EIF2AK4: variants seen among roughly 807,000 people sequenced by gnomAD.
EIF2AK4 encodes the protein eukaryotic translation initiation factor 2 alpha kinase 4.
In EIF2AK4, 139 loss-of-function variants were observed where a neutral mutation model predicts 211.1. The ratio of observed to expected loss-of-function variants is 0.66; its 90% CI spans 0.57 to 0.76. EIF2AK4 has a LOEUF of 0.76. Ranked by LOEUF, EIF2AK4 falls within the 30% of genes least tolerant of loss-of-function variation. EIF2AK4 has a pLI of 0.00. For missense variants in EIF2AK4, 1,664 were observed against 2,043.8 expected, an observed-to-expected ratio of 0.81 and a Z score of 3.58; for synonymous variants, 710 against 751.3, an observed-to-expected ratio of 0.94 and a Z score of 0.90.
intron 15 of EIF2AK4, among the ~76,000 whole-genome samples, chr15:39,989,508 C>T (rs1474377758): frequency 6.6e-6 from 1 of 152,208 alleles, no homozygotes; most frequent in African/African-American, 2.4e-5. Flanking sequence ...ACAATGCCCC[C>T]TGTGCTCTAT....
intron 18 of EIF2AK4, among the ~76,000 whole-genome samples, chr15:39,993,966 A>G (rs536479964): frequency 1.3e-5 from 2 of 152,328 alleles, no homozygotes; most frequent in African/African-American, 4.8e-5. Context: ...GATTTTCCCA[A>G]CGGAAGGAAT....
chr15:39,962,244 A>G (rs1031985373), intron 7 of EIF2AK4, among the ~76,000 whole-genome samples: 1 of 152,234 alleles, frequency 6.6e-6, no homozygotes, highest in African/African-American at 2.4e-5. Context: ...GAGTGACAGA[A>G]TGAGACCCTG....
At position 40,022,860 on chromosome 15, in the gene EIF2AK4, G is replaced by A. The variant is rs528244783; in HGVS notation, c.4389+255G>A. 1.4e-4 allele frequency among the ~76,000 whole-genome samples: 21 copies of A among 151,922 alleles called. No individual in the cohort carries two copies. In the East Asian group the frequency reaches 1.6e-3, roughly 11 times the overall value. On this transcript the variant is annotated intron_variant, in intron 32 of 38. Transcript: ENST00000263791. ...GCCATTTTCCTGCCTCAGCCTCCCC[G>A]GTAGCTGGGACTGCAGGTGCCCGCC...
chr15:39,998,861 A>G, intron 20 of EIF2AK4, 77 bp downstream of exon 20: 3 of 1,213,788 alleles, frequency 2.5e-6, no homozygotes, highest in Non-Finnish European at 3.5e-6. Context: ...TTCAATTAGT[A>G]ATCTTCTGCC....
At position 39,998,730 on chromosome 15, in the gene EIF2AK4, GC is replaced by G; in HGVS notation, c.2871del (p.Thr958LeufsTer25). On this transcript the variant is annotated frameshift_variant and splice_region_variant, in exon 20 of 39. Coordinates refer to ENST00000263791, the MANE Select transcript of EIF2AK4 (RefSeq NM_001013703.4). LOFTEE classifies it high-confidence loss of function. ...RIFVLNQLRDPTSPKFPEDFD... is the reference protein window; with the variant it reads ...RIFVLNQLRDXTSPKFPEDFD... ...TTGCTGATTTGAATATATTTTTTTA[GC>G]CCACTTCGCCTAAGTTTCCAGAAGA... The G allele has an allele frequency of 6.2e-7, 1 of 1,611,692 alleles. No homozygotes were observed. Among genetic ancestry groups the G allele is most frequent in the Non-Finnish European group, 8.5e-7 (1 of 1,178,814 alleles).
rs537194693 is a variant in EIF2AK4 at position 39,934,131 on chromosome 15, C to T, written c.-65C>T. On this transcript the variant is annotated 5_prime_UTR_variant, in exon 1 of 39. Transcript: ENST00000263791. ...CCCGTCCCCAGCGCGGAGCCCCGCC[C>T]CGCAGGCTGCCGGGGGCCCACCGCC... 9.8e-6 allele frequency: 12 copies of T among 1,228,842 alleles called. No homozygotes were observed. In the East Asian group the frequency reaches 4.3e-4, roughly 44 times the overall value. The allele number at this position is 1,228,842 out of a possible 1,614,324, so 76.1% of individuals were successfully genotyped here.
intron 35 of EIF2AK4, among the ~76,000 whole-genome samples, chr15:40,031,823 T>C (rs928626177): frequency 1.3e-5 from 2 of 152,154 alleles, no homozygotes; most frequent in African/African-American, 4.8e-5. Flanking sequence ...CCTCCCATGT[T>C]CAAGCGATTC....
chr15:39,986,031 A>G, intron 14 of EIF2AK4, 143 bp downstream of exon 14: 1 of 697,484 alleles, frequency 1.4e-6, no homozygotes, highest in Non-Finnish European at 2.3e-6. Flanking sequence ...GGATTACCAT[A>G]TGGAGGCCCT....
chr15:39,944,432 C>CTTTTTTTTTTTTTTT (rs55669603), intron 3 of EIF2AK4, among the ~76,000 whole-genome samples: 1 of 121,198 alleles, frequency 8.3e-6, no homozygotes, highest in African/African-American at 3.4e-5. Flanking sequence ...TTAACGATCT[C>CTTTTTTTTTTTTTTT]TTTTTTTTTT....
intron 2 of EIF2AK4, among the ~76,000 whole-genome samples, chr15:39,941,682 A>G (rs769766847): frequency 7.0e-4 from 106 of 152,216 alleles, no homozygotes; most frequent in Non-Finnish European, 1.1e-3. Flanking sequence ...CCTTGGCACT[A>G]CTGACATGTG....
intron 19 of EIF2AK4, 46 bp downstream of exon 19, chr15:39,997,111 C>A: frequency 7.6e-7 from 1 of 1,312,096 alleles, no homozygotes; most frequent in Non-Finnish European, 1.1e-6. Context: ...TAACCGGAAT[C>A]TTAGCACAGA....
chr15:39,961,844 G>C lies in EIF2AK4; in HGVS notation c.804G>C (p.Leu268=). ...SEDSPGSCEI[L]YFNMGSPDQL... is the part of the protein sequence containing the mutation. ...ATTCTCCTGGCTCTTGTGAAATTCT[G>C]TATTTCAATATGGGGAGTCCTGATC... Residue 268 remains leucine, a synonymous_variant, in exon 7 of 39, where the codon CTG becomes CTC. Transcript: ENST00000263791. 2 of 1,614,150 alleles carry C rather than the reference G, an allele frequency of 1.2e-6. No homozygotes were observed. The highest frequency in any genetic ancestry group is 1.7e-6 in the Non-Finnish European group (2 of 1,180,018).
intron 13 of EIF2AK4, among the ~76,000 whole-genome samples, chr15:39,979,118 C>G (rs541891631): frequency 6.6e-6 from 1 of 152,178 alleles, no homozygotes; most frequent in Non-Finnish European, 1.5e-5. Context: ...ATACACTTCA[C>G]CTGTTAGTAT....
At chr15:39,984,920 G>C (rs1393538395) in intron 13 of EIF2AK4, among the ~76,000 whole-genome samples, 4 of 152,162 alleles carry the variant, frequency 2.6e-5, no homozygotes, top group Non-Finnish European at 5.9e-5. Flanking sequence ...GGGCATCCTT[G>C]TCTTGTGCCG....
At chr15:40,012,236 T>C (rs1724748660) in intron 27 of EIF2AK4, among the ~76,000 whole-genome samples, 1 of 152,200 alleles carries the variant, frequency 6.6e-6, no homozygotes, top group South Asian at 2.1e-4. Flanking sequence ...TGGTTCATAT[T>C]GGCCTTTAAA....
chr15:39,950,589 CAAAAAAAA>C (rs771231139), intron 4 of EIF2AK4, among the ~76,000 whole-genome samples: 1 of 59,760 alleles, frequency 1.7e-5, no homozygotes, highest in African/African-American at 6.5e-5. Context: ...ACTCTGTCTT[CAAAAAAAA>C]AAAAAAAAAG....
At chr15:40,029,922 T>G (rs897523588) in intron 34 of EIF2AK4, among the ~76,000 whole-genome samples, 2 of 152,218 alleles carry the variant, frequency 1.3e-5, no homozygotes, top group African/African-American at 4.8e-5. Flanking sequence ...AGTGTTCCAA[T>G]TAAGGCCATG....
Position 39,985,827 on chromosome 15 carries a change from A to T in EIF2AK4, c.2342A>T (p.Asn781Ile), listed in dbSNP as rs1286637656. ...TAGGATGAAGATTGCAATGAAAAGA[A>T]TGGCTGCCATGAAAGTGAGCCATCA... ...QNQDEDCNEK[N>I]GCHESEPSVT... Residue 781 changes from asparagine to isoleucine, a missense_variant, in exon 14 of 39, where the codon AAT becomes ATT. Physicochemically the swap from Asn to Ile is moderately radical, Grantham distance 149 (BLOSUM62 -3). Around this residue, in one of 7 missense-constraint regions of EIF2AK4, gnomAD observed 206 missense variants for 201.9 expected, o/e 1.02. Coordinates refer to ENST00000263791, the MANE Select transcript of EIF2AK4 (RefSeq NM_001013703.4). 6.2e-7 allele frequency: 1 copy of T among 1,613,968 alleles called. No individual in the cohort carries two copies. Among genetic ancestry groups the T allele is most frequent in the Non-Finnish European group, 8.5e-7 (1 of 1,179,976 alleles).
chr15:39,992,296 T>A, intron 17 of EIF2AK4, 67 bp downstream of exon 17: 1 of 1,358,530 alleles, frequency 7.4e-7, no homozygotes, highest in Non-Finnish European at 1.0e-6. Flanking sequence ...ACCTGAAACC[T>A]GTTTTTTACT....
Sources: gnomAD v4.1 joint callset for allele counts (sites outside exome capture counted in the v4.1 genomes callset) on GRCh38, gnomAD v4.1.1 for gene constraint, gnomAD v4.1.1 regional missense constraint, MANE v1.5 for transcripts, NCBI Gene and HGNC (gene_info 2026-07-23, HGNC 2026-07-21) for gene names.